RBFOX1: variants seen among roughly 807,000 people sequenced by gnomAD.
RBFOX1 encodes RNA binding fox-1 homolog 1.
RBFOX1 carries 8 observed loss-of-function variants against 57.7 expected under a neutral mutation model. The ratio of observed to expected loss-of-function variants is 0.14; its 90% CI spans 0.08 to 0.25. The LOEUF (loss-of-function observed/expected upper bound fraction) is 0.25. Among genes scored for constraint, RBFOX1 ranks in the 10% least tolerant of loss-of-function variants. The pLI is 1.00. For missense variants in RBFOX1, 611 were observed against 548.5 expected (o/e 1.11, Z -1.14); for synonymous variants, 326 against 222.4 (o/e 1.47, Z -4.15).
At chr16:6,874,477 C>G (rs2061478742) in intron 3 of RBFOX1, among the ~76,000 whole-genome samples, 1 of 136,726 alleles carries the variant, frequency 7.3e-6, no homozygotes, top group Admixed American at 8.1e-5. Flanking sequence ...TGCCACTGCA[C>G]TCCAGGCTGG....
chr16:6,345,886 C>G (rs2085298540), intron 2 of RBFOX1, among the ~76,000 whole-genome samples: 2 of 152,120 alleles, frequency 1.3e-5, no homozygotes, highest in Admixed American at 6.5e-5. Flanking sequence ...AGACATCAAT[C>G]AATACATGTA....
intron 1 of RBFOX1, among the ~76,000 whole-genome samples, chr16:6,296,132 G>A (rs369113423): frequency 1.7e-4 from 26 of 152,262 alleles, no homozygotes; most frequent in African/African-American, 6.3e-4. Flanking sequence ...CATGCCTTGG[G>A]CACGGTTGGA....
At chr16:6,974,583 G>C (rs989593013) in intron 3 of RBFOX1, among the ~76,000 whole-genome samples, 2 of 151,974 alleles carry the variant, frequency 1.3e-5, no homozygotes, top group Non-Finnish European at 2.9e-5. Flanking sequence ...GACCTCAGGT[G>C]ATCTGCCCAC....
chr16:7,657,254 T>C (rs916903382), intron 12 of RBFOX1, among the ~76,000 whole-genome samples: 9 of 152,210 alleles, frequency 5.9e-5, no homozygotes, highest in African/African-American at 1.4e-4. Context: ...AACATAAAGA[T>C]AGTCACACCA....
chr16:6,489,128 A>G lies in RBFOX1; in HGVS notation c.-63-165475A>G, dbSNP rs117165121. Among the ~76,000 whole-genome samples, 878 of 152,076 alleles carry G rather than the reference A, an allele frequency of 5.8e-3. 4 individuals are homozygous for G. The highest frequency in any genetic ancestry group is 0.034 in the Middle Eastern group (10 of 294). On this transcript the variant is annotated intron_variant, in intron 2 of 15. Coordinates refer to ENST00000550418, the MANE Select transcript of RBFOX1 (RefSeq NM_018723.4). ...TGCCCTATTTTTTTCCAATTTACTTACTCTTTAGTACGAGAAGTGCTGGAA... is the reference window on the plus strand; with the variant it reads ...TGCCCTATTTTTTTCCAATTTACTTGCTCTTTAGTACGAGAAGTGCTGGAA...
intron 2 of RBFOX1, among the ~76,000 whole-genome samples, chr16:6,502,541 T>G (rs911039917): frequency 4.6e-5 from 7 of 152,162 alleles, no homozygotes; most frequent in Non-Finnish European, 8.8e-5. Context: ...CACCTTAGCA[T>G]AGTACCTAAC....
At chr16:7,551,647 A>G (rs1166409514) in intron 5 of RBFOX1, among the ~76,000 whole-genome samples, 3 of 152,152 alleles carry the variant, frequency 2.0e-5, no homozygotes, top group African/African-American at 4.8e-5. Flanking sequence ...GACCTGGAGG[A>G]GCAGGTAGGA....
intron 3 of RBFOX1, among the ~76,000 whole-genome samples, chr16:7,001,418 G>C (rs28608196): frequency 0.27 from 37,628 of 136,994 alleles, 5,160 homozygotes; most frequent in East Asian, 0.49. Context: ...ATATGTATAT[G>C]TATATGTATA....
intron 1 of RBFOX1, among the ~76,000 whole-genome samples, chr16:5,434,605 C>A (rs1483931626): frequency 6.6e-6 from 1 of 152,104 alleles, no homozygotes. Context: ...AGGCAAGAGC[C>A]ACCATGCCCA....
chr16:5,705,323 A>G (rs1231275267), intron 3 of RBFOX1, among the ~76,000 whole-genome samples: 1 of 152,116 alleles, frequency 6.6e-6, no homozygotes, highest in African/African-American at 2.4e-5. Context: ...GTGCAGTGGC[A>G]TGATCCTTGA....
chr16:7,313,378 A>C (rs927568606), intron 4 of RBFOX1, among the ~76,000 whole-genome samples: 3 of 151,904 alleles, frequency 2.0e-5, no homozygotes, highest in Non-Finnish European at 4.4e-5. Flanking sequence ...AGAACCTTCC[A>C]CTGGGGGTCT....
At chr16:6,750,793 A>C (rs903399901) in intron 3 of RBFOX1, among the ~76,000 whole-genome samples, 19 of 152,218 alleles carry the variant, frequency 1.2e-4, no homozygotes, top group African/African-American at 4.6e-4. Context: ...GGTGGAAGTG[A>C]GAAAAACATA....
intron 3 of RBFOX1, among the ~76,000 whole-genome samples, chr16:5,782,695 A>G (rs2054363660): frequency 6.6e-6 from 1 of 152,198 alleles, no homozygotes; most frequent in Admixed American, 6.5e-5. Flanking sequence ...CCTGTTATGA[A>G]GAATTGGCTT....
At chr16:7,390,552 G>T (rs1035286854) in intron 4 of RBFOX1, among the ~76,000 whole-genome samples, 1 of 152,150 alleles carries the variant, frequency 6.6e-6, no homozygotes, top group Non-Finnish European at 1.5e-5. Flanking sequence ...TGCACCTAAA[G>T]CATCTTTGCA....
chr16:5,737,339 C>T (rs1471120296), intron 3 of RBFOX1, among the ~76,000 whole-genome samples: 1 of 151,882 alleles, frequency 6.6e-6, no homozygotes, highest in African/African-American at 2.4e-5. Flanking sequence ...CAAAAAGTTA[C>T]CCAGGCGTGG....
intron 4 of RBFOX1, among the ~76,000 whole-genome samples, chr16:7,251,405 G>GTT (rs71391610): frequency 0.4 from 51,656 of 127,596 alleles, 11,038 homozygotes; most frequent in Middle Eastern, 0.51. Flanking sequence ...ACTTCTGTCC[G>GTT]TTTTTTTTTT....
chr16:5,735,265 G>C (rs978264319), intron 3 of RBFOX1, among the ~76,000 whole-genome samples: 1 of 152,200 alleles, frequency 6.6e-6, no homozygotes, highest in East Asian at 1.9e-4. Flanking sequence ...ACGTCTTCAA[G>C]CCACTCTGCA....
At chr16:5,534,484 C>T (rs972465610) in intron 2 of RBFOX1, among the ~76,000 whole-genome samples, 3 of 152,142 alleles carry the variant, frequency 2.0e-5, no homozygotes, top group African/African-American at 7.2e-5. Context: ...CCCCAGCAAA[C>T]CACTGGTGTA....
chr16:6,238,939 T>G (rs2097525447), intron 1 of RBFOX1, among the ~76,000 whole-genome samples: 1 of 152,204 alleles, frequency 6.6e-6, no homozygotes, highest in Non-Finnish European at 1.5e-5. Flanking sequence ...AATGTACCGT[T>G]AACTTATTTT....
Sources: allele counts gnomAD v4.1 joint callset (sites outside exome capture counted in the v4.1 genomes callset), GRCh38; gene constraint gnomAD v4.1.1; transcripts MANE v1.5; gene names NCBI Gene and HGNC (gene_info 2026-07-23, HGNC 2026-07-21).